BRPF1: variants seen among roughly 807,000 people sequenced by gnomAD.
The protein encoded by BRPF1 is bromodomain and PHD finger containing 1.
In BRPF1, 15 loss-of-function variants were observed where a neutral mutation model predicts 115.0. That is an observed-to-expected ratio of 0.13 (90% confidence interval 0.09 to 0.20). BRPF1 has a LOEUF of 0.20. Ranked by LOEUF, BRPF1 falls within the 10% of genes least tolerant of loss-of-function variation. The pLI, the probability that BRPF1 is intolerant of heterozygous loss-of-function variation, is 1.00. For synonymous variants in BRPF1, 647 were observed against 619.8 expected (o/e 1.04, Z -0.65); for missense variants, 1,118 against 1,638.3 (o/e 0.68, Z 5.48).
intron 9 of BRPF1, among the ~76,000 whole-genome samples, 183 bp from the exon 10 acceptor site, chr3:9,744,825 G>A (rs1402237192): frequency 2.6e-5 from 4 of 152,344 alleles, no homozygotes; most frequent in South Asian, 4.1e-4. Flanking sequence ...GAAGCAAGGG[G>A]TGGAGCAGGG....
chr3:9,741,019 C>T, intron 4 of BRPF1, 78 bp downstream of exon 4: 2 of 1,466,594 alleles, frequency 1.4e-6, no homozygotes, highest in South Asian at 1.2e-5. Context: ...CTGTAGTTTC[C>T]AGTGTCAGAG....
chr3:9,745,814 G>A lies in BRPF1; in HGVS notation c.3208G>A (p.Val1070Ile), dbSNP rs2077115676. Reference sequence around the variant, plus strand: ...CCCTCTCCCCCATTCCTGTGAAGTGGTAAGGAAGAGTCTGGGCCGGGGAGC... The same window carrying A: ...CCCTCTCCCCCATTCCTGTGAAGTGATAAGGAAGAGTCTGGGCCGGGGAGC... ...GTGRGVGHSM[V>I]RKSLGRGAGW... The change falls in exon 12 of 14, where the codon GTA (valine) becomes ATA (isoleucine). Residue 1070 changes from valine to isoleucine, a missense_variant and splice_region_variant. Val to Ile is a conservative substitution (Grantham distance 29). This residue lies in a region of BRPF1 where 100 missense variants were observed against 109.9 expected (regional missense o/e 0.91). Transcript: ENST00000383829. The surrounding 1 kb of genome is among the most constrained non-coding windows in gnomAD (Gnocchi z 5.1). 6.2e-7 allele frequency: 1 copy of A among 1,613,796 alleles called. No homozygotes were observed. The highest frequency in any genetic ancestry group is 1.7e-5 in the Admixed American group (1 of 59,982).
intron 1 of BRPF1, chr3:9,732,810 G>A (rs1470944825): frequency 6.6e-6 from 1 of 152,272 alleles, no homozygotes; most frequent in Non-Finnish European, 1.5e-5. Flanking sequence ...AGGCCAAGAG[G>A]GGTTATTTTG....
chr3:9,747,397 C>T lies in BRPF1; in HGVS notation c.*48C>T. On this transcript the variant is annotated 3_prime_UTR_variant, in exon 14 of 14. Coordinates refer to ENST00000383829, the MANE Select transcript of BRPF1 (RefSeq NM_001003694.2). The surrounding 1 kb of genome is among the most constrained non-coding windows in gnomAD (Gnocchi z 5.6). ...TATAGTGCCCTGTGACTTCTCTCCT[C>T]CCCTTTGCTCACTGTCCTGGAGTGG... 1 of 1,591,858 alleles carries T rather than the reference C, an allele frequency of 6.3e-7. No individual in the cohort carries two copies. The highest frequency in any genetic ancestry group is 8.6e-7 in the Non-Finnish European group (1 of 1,164,482).
chr3:9,744,933 C>G, intron 9 of BRPF1, 75 bp from the exon 10 acceptor site: 5 of 1,599,178 alleles, frequency 3.1e-6, no homozygotes, highest in Non-Finnish European at 4.3e-6. Flanking sequence ...CTCCAAGTCC[C>G]TCTTACCTCC....
intron 8 of BRPF1, 50 bp from the exon 9 acceptor site, chr3:9,744,174 T>C: frequency 6.7e-7 from 1 of 1,502,620 alleles, no homozygotes; most frequent in East Asian, 2.3e-5. Flanking sequence ...TATCTACCCT[T>C]CTCAAATCAG....
rs2077107709 is a variant in BRPF1 at position 9,745,488 on chromosome 3, C to T, written c.3069-85C>T. 18 of 1,465,556 alleles carry T rather than the reference C, an allele frequency of 1.2e-5. No homozygotes were observed. Among genetic ancestry groups the T allele is most frequent in the Admixed American group, 1.1e-4 (6 of 57,098 alleles). 90.8% of individuals were successfully genotyped at this position (1,465,556 alleles called of 1,614,324 possible). A position where few individuals can be genotyped will look rare whatever the true frequency, so the allele number is the denominator to read the frequency against. On this transcript the variant is annotated intron_variant, in intron 10 of 13. Coordinates refer to ENST00000383829, the MANE Select transcript of BRPF1 (RefSeq NM_001003694.2). The surrounding 1 kb of genome is among the most constrained non-coding windows in gnomAD (Gnocchi z 5.1). ...TGCTTTCCAAAAGTCTCAGACCCTG[C>T]GGGCTTTAAGAGCTGAGGGCACATA...
rs761575710 is a variant in BRPF1, at chr3:9,743,236, C to T, written c.2294C>T (p.Thr765Ile). ...CACAGCCTGGCTGGAGATGAGGCCA[C>T]ACACCACACTGAAGATGGTGGGTGA... ...IPHSLAGDEA[T>I]HHTEDAAEEE... is the part of the protein sequence containing the mutation. Residue 765 changes from threonine to isoleucine, a missense_variant, in exon 7 of 14, where the codon ACA becomes ATA. Physicochemically the swap from Thr to Ile is moderately conservative, Grantham distance 89. Coordinates refer to ENST00000383829, the MANE Select transcript of BRPF1 (RefSeq NM_001003694.2). This position sits in a 1 kb window ranked among gnomAD's most constrained non-coding sequence, Gnocchi z 6.1. The T allele has an allele frequency of 6.2e-7, 1 of 1,613,398 alleles. No individual in the cohort carries two copies. Among genetic ancestry groups the T allele is most frequent in the Non-Finnish European group, 8.5e-7 (1 of 1,179,488 alleles).
rs746015047 is a variant in BRPF1 at position 9,743,652 on chromosome 3, C to G, written c.2386C>G (p.Leu796Val). The G allele has an allele frequency of 1.2e-6, 2 of 1,613,980 alleles. No individual in the cohort carries two copies. Among genetic ancestry groups the G allele is most frequent in the African/African-American group, 1.3e-5 (1 of 74,936 alleles). The change falls in exon 8 of 14, where the codon CTG (leucine) becomes GTG (valine). Residue 796 changes from leucine (L) to valine (V), a missense_variant. By Grantham distance (32) the Leu-to-Val change is conservative. Transcript: ENST00000383829. This position sits in a 1 kb window ranked among gnomAD's most constrained non-coding sequence, Gnocchi z 6.1. Reference sequence around the variant, plus strand: ...AGTGGAAGAACAGCTAAAGCTGCTTCTGGAGCGGCTGGACGAAGTGAATGC... The same window carrying G: ...AGTGGAAGAACAGCTAAAGCTGCTTGTGGAGCGGCTGGACGAAGTGAATGC... The part of the protein sequence containing the change: ...LPVEEQLKLL[L>V]ERLDEVNASK...
In BRPF1 at chr3:9,745,168, C is replaced by T. The variant is rs747916538; in HGVS notation, c.3068+13C>T. The T allele has an allele frequency of 1.1e-5, 18 of 1,612,106 alleles. No homozygotes were observed. The East Asian group carries it at 3.8e-4, about 34-fold the overall frequency. ...CAGACCGGACCAGGTACCAGCCCTC[C>T]AGATCGAGGCCAACCTCAGGGGATG... On this transcript the variant is annotated intron_variant, in intron 10 of 13. Coordinates refer to ENST00000383829, the MANE Select transcript of BRPF1 (RefSeq NM_001003694.2). This position sits in a 1 kb window ranked among gnomAD's most constrained non-coding sequence, Gnocchi z 5.1.
chr3:9,741,657 G>C (rs990338583), intron 5 of BRPF1, among the ~76,000 whole-genome samples: 1 of 126,672 alleles, frequency 7.9e-6, no homozygotes, highest in African/African-American at 2.9e-5. Flanking sequence ...AAAAAAAAAA[G>C]ACCCAGGAGA....
At position 9,734,200 on chromosome 3, in the gene BRPF1, A is replaced by T; in HGVS notation, c.60A>T (p.Pro20=). ...FCHNLRATKP[P]YECPVETCRK... ...ACAACTTGCGGGCGACTAAGCCACC[A>T]TACGAGTGCCCGGTGGAGACCTGCC... is the stretch of plus-strand genomic sequence containing the variant. The change falls in exon 2 of 14, where the codon CCA becomes CCT. Residue 20 remains proline, a synonymous_variant. Coordinates refer to ENST00000383829, the MANE Select transcript of BRPF1 (RefSeq NM_001003694.2). This position sits in a 1 kb window ranked among gnomAD's most constrained non-coding sequence, Gnocchi z 5.7. 1 of 1,613,976 alleles carries T rather than the reference A, an allele frequency of 6.2e-7. No homozygotes were observed. The highest frequency in any genetic ancestry group is 8.5e-7 in the Non-Finnish European group (1 of 1,179,896).
At chr3:9,733,988 T>C in intron 1 of BRPF1, 143 bp from the exon 2 acceptor site, 1 of 1,371,192 alleles carries the variant, frequency 7.3e-7, no homozygotes, top group Non-Finnish European at 9.7e-7. Flanking sequence ...GTGGAGGAGA[T>C]GGCATTTGGA....
Position 9,747,570 on chromosome 3 carries a change from C to A in BRPF1, c.*221C>A. The A allele has an allele frequency of 2.1e-6, 1 of 487,428 alleles. No individual in the cohort carries two copies. 30.2% of individuals were successfully genotyped at this position (487,428 alleles called of 1,614,324 possible). ...AGTTCAGCGCAAGGAGAGGGAGGGC[C>A]CACAGGTCAGAAAAAGCTCCAGAGA... On this transcript the variant is annotated 3_prime_UTR_variant, in exon 14 of 14. Transcript: ENST00000383829. The surrounding 1 kb of genome is among the most constrained non-coding windows in gnomAD (Gnocchi z 5.6).
chr3:9,736,746 C>T (rs2125495980), intron 2 of BRPF1, among the ~76,000 whole-genome samples: 1 of 152,358 alleles, frequency 6.6e-6, no homozygotes, highest in South Asian at 2.1e-4. Context: ...GTTGGTAAAA[C>T]TGCCCAAGTT....
In BRPF1 at chr3:9,743,339, G is replaced by C; in HGVS notation, c.2311+86G>C. ...AAGTCCCCTCCTGGGAGCAGGCAGT[G>C]TAGGCAGAAAGCAGCTAGGCTGAGC... is the stretch of plus-strand genomic sequence containing the variant. On this transcript the variant is annotated intron_variant, in intron 7 of 13. Coordinates refer to ENST00000383829, the MANE Select transcript of BRPF1 (RefSeq NM_001003694.2). This position sits in a 1 kb window ranked among gnomAD's most constrained non-coding sequence, Gnocchi z 6.1. 1 of 1,501,584 alleles carries C rather than the reference G, an allele frequency of 6.7e-7. No homozygotes were observed. The highest frequency in any genetic ancestry group is 1.3e-5 in the South Asian group (1 of 75,252). 93.0% of individuals were successfully genotyped at this position (1,501,584 alleles called of 1,614,324 possible).
chr3:9,736,837 T>C (rs933721589), intron 2 of BRPF1, among the ~76,000 whole-genome samples: 4 of 152,220 alleles, frequency 2.6e-5, no homozygotes, highest in Admixed American at 2.6e-4. Flanking sequence ...TTGCTTGCAT[T>C]CTAATATGCT....
intron 4 of BRPF1, 34 bp from the exon 5 acceptor site, chr3:9,741,274 T>A: frequency 1.3e-6 from 2 of 1,536,410 alleles, no homozygotes; most frequent in Non-Finnish European, 1.8e-6. Flanking sequence ...TCTGGCTTTC[T>A]AATCATCCTC....
chr3:9,743,589 G>A lies in BRPF1; in HGVS notation c.2323G>A (p.Glu775Lys). The change falls in exon 8 of 14, where the codon GAG (glutamate) becomes AAG (lysine). Residue 775 changes from glutamate (E) to lysine (K), a missense_variant. Glu to Lys is a moderately conservative substitution (Grantham distance 56). Transcript: ENST00000383829. The surrounding 1 kb of genome is among the most constrained non-coding windows in gnomAD (Gnocchi z 6.1). ...AACCCTACCCCTAGCAGCCGAGGAA[G>A]AGCGGCTGGTCTTGCTGGAGAACCA... ...THHTEDAAEE[E>K]RLVLLENQKH... is the part of the protein sequence containing the mutation. 6.2e-7 allele frequency: 1 copy of A among 1,612,498 alleles called. No individual in the cohort carries two copies. Among genetic ancestry groups the A allele is most frequent in the Non-Finnish European group, 8.5e-7 (1 of 1,179,148 alleles).
Sources: gnomAD v4.1 joint callset for allele counts (sites outside exome capture counted in the v4.1 genomes callset) on GRCh38, gnomAD v4.1.1 for gene constraint, gnomAD v4.1.1 regional missense constraint, Gnocchi (gnomAD v3.1) non-coding constraint, MANE v1.5 for transcripts, NCBI Gene and HGNC (gene_info 2026-07-23, HGNC 2026-07-21) for gene names.